Variants in QARS1 observed in about 807,000 individuals in gnomAD.
The protein encoded by QARS1 is glutaminyl-tRNA synthetase 1.
A neutral mutation model predicts 106.9 loss-of-function variants in QARS1; 79 were observed. That is an observed-to-expected ratio of 0.74 (90% confidence interval 0.62 to 0.89). The LOEUF (loss-of-function observed/expected upper bound fraction) is 0.89. QARS1 is among the 40% of genes least tolerant of loss of function. The pLI, the probability that QARS1 is intolerant of heterozygous loss-of-function variation, is 0.00. For missense variants in QARS1, 966 were observed against 997.2 expected, an observed-to-expected ratio of 0.97 and a Z score of 0.42; for synonymous variants, 395 against 367.7, an observed-to-expected ratio of 1.07 and a Z score of -0.85.
At chr3:49,098,718 C>T (rs964597269) in intron 19 of QARS1, 26 bp from the exon 20 acceptor site, 9 of 1,562,414 alleles carry the variant, frequency 5.8e-6, no homozygotes, top group East Asian at 2.3e-5. Context: ...GGGGTAGACA[C>T]ATGAGGCTGC....
Position 49,099,873 on chromosome 3 carries a change from G to C in QARS1, c.1296-20C>G, listed in dbSNP as rs2042444389. On this transcript the variant is annotated intron_variant, in intron 14 of 23. Coordinates refer to ENST00000306125, the MANE Select transcript of QARS1 (RefSeq NM_005051.3). ...ATGCACCTGTGGGGCATAGGCAGTG[G>C]GCCCTACCATCCAGCCCTACTCTGC... The C allele has an allele frequency of 1.1e-5, 17 of 1,613,824 alleles. No homozygotes were observed. The highest frequency in any genetic ancestry group is 1.3e-5 in the Non-Finnish European group (15 of 1,179,962).
intron 22 of QARS1, 36 bp downstream of exon 22, chr3:49,098,156 G>A: frequency 6.2e-7 from 1 of 1,613,550 alleles, no homozygotes; most frequent in African/African-American, 1.3e-5. Context: ...CAACCAGGGA[G>A]GCCTACCTCC....
At position 49,101,925 on chromosome 3, in the gene QARS1, T is replaced by C. The variant is rs745490155; in HGVS notation, c.632-26A>G. The C allele has an allele frequency of 2.5e-6, 4 of 1,596,614 alleles. No individual in the cohort carries two copies. In the South Asian group the frequency reaches 3.3e-5, roughly 13 times the overall value. The stretch of plus-strand genomic sequence containing the variant: ...CTGTGGGGAACAAAACAAGGAAAAC[T>C]TGTCCTCTAGATACATTTACCATAT... On this transcript the variant is annotated intron_variant, in intron 7 of 23. Transcript: ENST00000306125.
At position 49,099,870 on chromosome 3, in the gene QARS1, G is replaced by A; in HGVS notation, c.1296-17C>T. The A allele has an allele frequency of 6.2e-7, 1 of 1,613,962 alleles. No individual in the cohort carries two copies. Among genetic ancestry groups the A allele is most frequent in the Non-Finnish European group, 8.5e-7 (1 of 1,179,954 alleles). The stretch of plus-strand genomic sequence containing the variant: ...TAGATGCACCTGTGGGGCATAGGCA[G>A]TGGGCCCTACCATCCAGCCCTACTC... On this transcript the variant is annotated splice_polypyrimidine_tract_variant and intron_variant, in intron 14 of 23. Coordinates refer to ENST00000306125, the MANE Select transcript of QARS1 (RefSeq NM_005051.3).
rs539341310 is a variant in QARS1 at position 49,099,293 on chromosome 3, A to C, written c.1615-40T>G. The C allele has an allele frequency of 1.2e-5, 20 of 1,614,110 alleles. No homozygotes were observed. In the South Asian group the frequency reaches 2.1e-4, roughly 17 times the overall value. The stretch of plus-strand genomic sequence containing the variant: ...CAGCATCAGTCACAGCTACAATCAC[A>C]AACTGCCACACTCAACCCCCAATGT... On this transcript the variant is annotated intron_variant, in intron 17 of 23. Coordinates refer to ENST00000306125, the MANE Select transcript of QARS1 (RefSeq NM_005051.3).
Position 49,098,690 on chromosome 3 carries a change from C to T in QARS1, c.1866G>A (p.Glu622=). ...CCAGGCGCTTAAATCCTGGCTCTGG[C>T]TCCTAGAGATAGGAAGTGGGGTAGA... ...VFIERTDFKE[E]PEPGFKRLAW... The change falls in exon 20 of 24, where the codon GAG becomes GAA. Residue 622 remains glutamate, a splice_region_variant and synonymous_variant. Transcript: ENST00000306125. 1 of 1,592,264 alleles carries T rather than the reference C, an allele frequency of 6.3e-7. No individual in the cohort carries two copies. The highest frequency in any genetic ancestry group is 8.5e-7 in the Non-Finnish European group (1 of 1,170,206).
At chr3:49,102,378 T>C in intron 6 of QARS1, 41 bp downstream of exon 6, 1 of 1,612,954 alleles carries the variant, frequency 6.2e-7, no homozygotes, top group Non-Finnish European at 8.5e-7. Flanking sequence ...TCACCATACC[T>C]CACCTCACCC....
intron 9 of QARS1, 44 bp from the exon 10 acceptor site, chr3:49,101,485 A>C: frequency 6.3e-7 from 1 of 1,588,324 alleles, no homozygotes. Flanking sequence ...GTCTGAGCTC[A>C]GATGACCTTA....
In QARS1 at chr3:49,099,535, G is replaced by A; in HGVS notation, c.1501C>T (p.Gln501Ter). 1 of 1,614,208 alleles carries A rather than the reference G, an allele frequency of 6.2e-7. No individual in the cohort carries two copies. The highest frequency in any genetic ancestry group is 1.1e-5 in the South Asian group (1 of 91,090). The change falls in exon 16 of 24, where the codon CAG (glutamine) becomes TAG (stop). Residue 501 changes from glutamine to a stop codon, truncating the protein, a stop_gained. Coordinates refer to ENST00000306125, the MANE Select transcript of QARS1 (RefSeq NM_005051.3). LOFTEE classifies it high-confidence loss of function. The stretch of plus-strand genomic sequence containing the variant: ...CGCACAGCACCAGTTGCTACAAGCT[G>A]GAGGATCTTCCTCTTAGAGACAACA... ...YAVVSKRKIL[Q>*]LVATGAVRDW...
chr3:49,100,612 C>A lies in QARS1; in HGVS notation c.939G>T (p.Lys313Asn). Reference sequence around the variant, plus strand: ...CCATGTCACAGATGGCCGTGAAGAACTTTGCTTCCTCCTTCTCAGGGTTGG... The same window carrying A: ...CCATGTCACAGATGGCCGTGAAGAAATTTGCTTCCTCCTTCTCAGGGTTGG... ...DDTNPEKEEAKFFTAICDMVA... is the reference protein window; with the variant it reads ...DDTNPEKEEANFFTAICDMVA... Residue 313 changes from lysine to asparagine, a missense_variant, in exon 11 of 24, where the codon AAG (lysine) becomes AAT (asparagine). Physicochemically the swap from Lys to Asn is moderately conservative, Grantham distance 94. Transcript: ENST00000306125. 1 of 1,611,076 alleles carries A rather than the reference C, an allele frequency of 6.2e-7. No individual in the cohort carries two copies. Among genetic ancestry groups the A allele is most frequent in the Non-Finnish European group, 8.5e-7 (1 of 1,177,188 alleles).
At chr3:49,096,614 AC>A (rs2042393938) in intron 23 of QARS1, among the ~76,000 whole-genome samples, 1 of 151,824 alleles carries the variant, frequency 6.6e-6, no homozygotes, top group Admixed American at 6.6e-5. Flanking sequence ...CCTGGCTAAC[AC>A]GGTGAAACCC....
intron 7 of QARS1, 148 bp downstream of exon 7, chr3:49,102,057 G>C: frequency 1.5e-6 from 2 of 1,327,778 alleles, no homozygotes; most frequent in South Asian, 2.7e-5. Context: ...TGGGCAAAGG[G>C]AACAAAAGAA....
rs1178195058 is a variant in QARS1 at position 49,100,437 on chromosome 3, G to A, written c.998C>T (p.Thr333Ile). The A allele has an allele frequency of 1.2e-6, 2 of 1,614,110 alleles. No homozygotes were observed. Among genetic ancestry groups the A allele is most frequent in the Non-Finnish European group, 8.5e-7 (1 of 1,180,042 alleles). The change falls in exon 12 of 24, where the codon ACA (threonine) becomes ATA (isoleucine). Residue 333 changes from threonine (T) to isoleucine (I), a missense_variant. Coordinates refer to ENST00000306125, the MANE Select transcript of QARS1 (RefSeq NM_005051.3). ...CTGGTCAAAATAGTCAGACGCATAT[G>A]TGACTTTGTAAGGTGTGTAGCCTGG... ...AWLGYTPYKV[T>I]YASDYFDQLY...
intron 14 of QARS1, 27 bp from the exon 15 acceptor site, chr3:49,099,880 C>T (rs764935684): frequency 6.2e-7 from 1 of 1,613,814 alleles, no homozygotes; most frequent in Non-Finnish European, 8.5e-7. Flanking sequence ...GTGGGCCCTA[C>T]CATCCAGCCC....
At chr3:49,102,963 T>G (rs984798521) in intron 5 of QARS1, among the ~76,000 whole-genome samples, 1 of 144,406 alleles carries the variant, frequency 6.9e-6, no homozygotes, top group South Asian at 2.2e-4. Flanking sequence ...CTTTTTTTAT[T>G]GTTGTTGATT....
chr3:49,095,936 G>C lies in QARS1; in HGVS notation c.*93C>G, dbSNP rs1240859870. The C allele has an allele frequency of 2.9e-5, 35 of 1,210,238 alleles. No individual in the cohort carries two copies. In the East Asian group the frequency reaches 8.2e-4, roughly 28 times the overall value. The allele number at this position is 1,210,238 out of a possible 1,614,324, so 75.0% of individuals were successfully genotyped here. A position where few individuals can be genotyped will look rare whatever the true frequency, so the allele number is the denominator to read the frequency against. ...GTGCAGAGATAACACACAGACTCTA[G>C]GAGAATTTAGCTGTTCTTTATTGAC... is the stretch of plus-strand genomic sequence containing the variant. On this transcript the variant is annotated 3_prime_UTR_variant, in exon 24 of 24. Coordinates refer to ENST00000306125, the MANE Select transcript of QARS1 (RefSeq NM_005051.3).
chr3:49,100,859 C>T, intron 10 of QARS1, 185 bp from the exon 11 acceptor site: 1 of 690,562 alleles, frequency 1.4e-6, no homozygotes, highest in Non-Finnish European at 2.6e-6. Context: ...TCTCCTGCCT[C>T]AGCTTCCCAG....
intron 2 of QARS1, 94 bp downstream of exon 2, chr3:49,104,230 G>T: frequency 6.5e-7 from 1 of 1,541,006 alleles, no homozygotes. Flanking sequence ...TAGGTGTCTA[G>T]AAAGAAACTG....
Position 49,104,637 on chromosome 3 carries a change from G to T in QARS1, c.97C>A (p.Leu33Met), listed in dbSNP as rs199617865. ...CGCACCTGAGTAGCGGCCTCGCGCAGCTGCGCGCTCAGAGCCGAGTTCTTG... is the reference window on the plus strand; with the variant it reads ...CGCACCTGAGTAGCGGCCTCGCGCATCTGCGCGCTCAGAGCCGAGTTCTTG... ...TLKNSALSAQ[L>M]REAATQAQQT... is the part of the protein sequence containing the mutation. Residue 33 changes from leucine to methionine, a missense_variant, in exon 1 of 24, where the codon CTG (leucine) becomes ATG (methionine). Coordinates refer to ENST00000306125, the MANE Select transcript of QARS1 (RefSeq NM_005051.3). The T allele has an allele frequency of 2.2e-5, 35 of 1,605,460 alleles. No individual in the cohort carries two copies. Among genetic ancestry groups the T allele is most frequent in the Non-Finnish European group, 1.8e-5 (21 of 1,173,570 alleles).
Sources: allele counts gnomAD v4.1 joint callset (sites outside exome capture counted in the v4.1 genomes callset), GRCh38; gene constraint gnomAD v4.1.1; transcripts MANE v1.5; gene names NCBI Gene and HGNC (gene_info 2026-07-23, HGNC 2026-07-21).